MGST1: variants seen among roughly 807,000 people sequenced by gnomAD.
MGST1 encodes the protein microsomal glutathione S-transferase 1.
Under a neutral mutation model 8.9 loss-of-function variants are expected in MGST1, and 5 were observed. That is an observed-to-expected ratio of 0.56 (90% CI 0.29 to 1.19). MGST1 has a LOEUF of 1.19. Ranked by LOEUF, MGST1 falls within the 50% of genes most tolerant of loss-of-function variation. MGST1 has a pLI of 0.08. For synonymous variants in MGST1, 54 were observed against 67.8 expected, an observed-to-expected ratio of 0.80 and a Z score of 1.00; for missense variants, 182 against 187.4, an observed-to-expected ratio of 0.97 and a Z score of 0.17.
downstream of MGST1, among the ~76,000 whole-genome samples, chr12:16,440,502 G>A (rs1049205120): frequency 1.3e-5 from 2 of 151,748 alleles, no homozygotes; most frequent in Non-Finnish European, 2.9e-5. Flanking sequence ...AATGGAGTCA[G>A]ATAGCATTTA....
downstream of MGST1, among the ~76,000 whole-genome samples, chr12:16,378,235 G>T (rs918943131): frequency 9.0e-4 from 137 of 152,252 alleles, 2 homozygotes; most frequent in South Asian, 0.028. Flanking sequence ...CCTATGTCCT[G>T]AATGGTATTG....
At chr12:16,554,858 C>T (rs1195906707) in intron 4 of MGST1, among the ~76,000 whole-genome samples, 1 of 152,092 alleles carries the variant, frequency 6.6e-6, no homozygotes, top group African/African-American at 2.4e-5. Flanking sequence ...CGGGGTTTCA[C>T]CGTGTTAGCC....
intron 1 of MGST1, among the ~76,000 whole-genome samples, chr12:16,426,813 C>G (rs1050479703): frequency 6.6e-6 from 1 of 151,344 alleles, no homozygotes; most frequent in African/African-American, 2.4e-5. Flanking sequence ...ACAACAACAA[C>G]AAAAAAAAAT....
Position 16,513,877 on chromosome 12 carries a change from A to G in MGST1, n.483-75651A>G. The G allele has an allele frequency of 1.6e-6, 1 of 608,114 alleles. No individual in the cohort carries two copies. The highest frequency in any genetic ancestry group is 3.2e-6 in the Non-Finnish European group (1 of 314,592). The allele number at this position is 608,114 out of a possible 1,614,324, so 37.7% of individuals were successfully genotyped here. ...GCCCAAACCAACCTGGGGAAGTCGCACACCCATCTTCAGGGATACTGGCAT... is the reference window on the plus strand; with the variant it reads ...GCCCAAACCAACCTGGGGAAGTCGCGCACCCATCTTCAGGGATACTGGCAT... On this transcript the variant is annotated intron_variant and non_coding_transcript_variant, in intron 4 of 4. Transcript: ENST00000538857. The surrounding 1 kb of genome is among the most constrained non-coding windows in gnomAD (Gnocchi z 4.2).
At chr12:16,445,621 A>G (rs1269044608) in intron 4 of MGST1, among the ~76,000 whole-genome samples, 1 of 151,944 alleles carries the variant, frequency 6.6e-6, no homozygotes, top group Admixed American at 6.6e-5. Context: ...TTTCTTGATT[A>G]AGATAGTGAA....
chr12:16,394,360 TTTTC>T (rs1310640848), intron 1 of MGST1, among the ~76,000 whole-genome samples: 3 of 151,856 alleles, frequency 2.0e-5, no homozygotes, highest in African/African-American at 7.3e-5. Context: ...TTATTAATCA[TTTTC>T]TTTCTTTCTT....
chr12:16,475,600 T>C (rs1315558871), intron 4 of MGST1, among the ~76,000 whole-genome samples: 1 of 152,154 alleles, frequency 6.6e-6, no homozygotes, highest in Non-Finnish European at 1.5e-5. Context: ...ATGCATTTCT[T>C]ATACCCTTAA....
At chr12:16,412,986 C>G (rs1455449819) in intron 1 of MGST1, among the ~76,000 whole-genome samples, 2 of 152,064 alleles carry the variant, frequency 1.3e-5, no homozygotes, top group Non-Finnish European at 2.9e-5. Context: ...TGAAGCAGAA[C>G]ATAGATAATA....
In MGST1 at chr12:16,389,658, A is replaced by C. The variant is rs1940533264; in HGVS notation, n.778+6054A>C. 1.3e-5 allele frequency among the ~76,000 whole-genome samples: 2 copies of C among 152,328 alleles called. No individual in the cohort carries two copies. Among genetic ancestry groups the C allele is most frequent in the South Asian group, 4.1e-4 (2 of 4,826 alleles). On this transcript the variant is annotated intron_variant and non_coding_transcript_variant, in intron 1 of 1. Coordinates refer to the MGST1 transcript ENST00000359720. This position sits in a 1 kb window ranked among gnomAD's most constrained non-coding sequence, Gnocchi z 4.6. ...GGGACTACAGAGAAGCAAGGATTCC[A>C]GATGGAGGGAGAGTTTGGAATGTGA...
At chr12:16,519,740 T>C (rs1941637206) in intron 4 of MGST1, among the ~76,000 whole-genome samples, 1 of 152,218 alleles carries the variant, frequency 6.6e-6, no homozygotes, top group African/African-American at 2.4e-5. Flanking sequence ...TTAAGTCTTA[T>C]GTTCAGCTTC....
chr12:16,408,771 C>T (rs1940717380), intron 1 of MGST1, among the ~76,000 whole-genome samples: 1 of 152,020 alleles, frequency 6.6e-6, no homozygotes, highest in South Asian at 2.1e-4. Context: ...AAATCACCTC[C>T]CTCTCTTTTC....
chr12:16,467,097 A>T (rs1362908921), intron 4 of MGST1, among the ~76,000 whole-genome samples: 3 of 152,234 alleles, frequency 2.0e-5, no homozygotes, highest in African/African-American at 7.2e-5. Flanking sequence ...ATGAAACACA[A>T]ATCTAAGAGC....
At chr12:16,488,300 T>G (rs929730325) in intron 4 of MGST1, among the ~76,000 whole-genome samples, 1 of 152,200 alleles carries the variant, frequency 6.6e-6, no homozygotes, top group Non-Finnish European at 1.5e-5. Context: ...TGAGTAGTGA[T>G]AGATACTTAG....
chr12:16,490,567 A>G (rs1250392960), intron 4 of MGST1, among the ~76,000 whole-genome samples: 2 of 152,198 alleles, frequency 1.3e-5, no homozygotes, highest in Admixed American at 6.5e-5. Context: ...GGCAGAATAC[A>G]AGTATTGTAT....
Position 16,387,734 on chromosome 12 carries a change from A to G in MGST1, n.778+4130A>G, listed in dbSNP as rs182684904. ...GTAGAGACGGGTTTTCACCGTGTTA[A>G]CCAGGATGGTCTCGATCTCCTGACC... On this transcript the variant is annotated intron_variant and non_coding_transcript_variant, in intron 1 of 1. Transcript: ENST00000359720. Among the ~76,000 whole-genome samples, 393 of 152,038 alleles carry G rather than the reference A, an allele frequency of 2.6e-3. 3 individuals are homozygous for G. In the South Asian group the frequency reaches 0.027, roughly 10 times the overall value.
At chr12:16,407,373 C>T (rs1940704618) in intron 1 of MGST1, among the ~76,000 whole-genome samples, 1 of 152,154 alleles carries the variant, frequency 6.6e-6, no homozygotes, top group Non-Finnish European at 1.5e-5. Flanking sequence ...TACCATCTCA[C>T]ACCAGTCAGG....
In MGST1 at chr12:16,560,393, C is replaced by G. The variant is rs755449815; in HGVS notation, n.483-29135C>G. The G allele has an allele frequency of 1.9e-6, 3 of 1,608,156 alleles. No homozygotes were observed. Among genetic ancestry groups the G allele is most frequent in the Non-Finnish European group, 2.5e-6 (3 of 1,177,626 alleles). The stretch of plus-strand genomic sequence containing the variant: ...AGAGAGGTTAACCATTTCTTAGAGA[C>G]CAAAAAGAGACCTGCTTACCTCTGA... On this transcript the variant is annotated intron_variant and non_coding_transcript_variant, in intron 4 of 4. Transcript: ENST00000538857. The surrounding 1 kb of genome is among the most constrained non-coding windows in gnomAD (Gnocchi z 5.0).
chr12:16,440,735 T>C (rs368350895), downstream of MGST1, among the ~76,000 whole-genome samples: 28 of 151,996 alleles, frequency 1.8e-4, no homozygotes, highest in African/African-American at 6.5e-4. Context: ...TTGTGGACTT[T>C]ATATTATTTT....
chr12:16,465,028 A>T (rs985817553), intron 4 of MGST1, among the ~76,000 whole-genome samples: 4 of 152,194 alleles, frequency 2.6e-5, no homozygotes, highest in African/African-American at 9.6e-5. Flanking sequence ...TCCTGTACCA[A>T]CACTGCCTCT....
Sources: gnomAD v4.1 joint callset for allele counts (sites outside exome capture counted in the v4.1 genomes callset) on GRCh38, gnomAD v4.1.1 for gene constraint, Gnocchi (gnomAD v3.1) non-coding constraint, MANE v1.5 for transcripts, NCBI Gene and HGNC (gene_info 2026-07-23, HGNC 2026-07-21) for gene names.